GFRAL: variants seen among roughly 807,000 people sequenced by gnomAD.
The protein encoded by GFRAL is GDNF family receptor alpha-like.
GFRAL carries 36 observed loss-of-function variants against 45.4 expected under a neutral mutation model. That is an observed-to-expected ratio of 0.79 (90% CI 0.61 to 1.05). GFRAL has a LOEUF of 1.05. Ranked by LOEUF, GFRAL falls within the 50% of genes least tolerant of loss-of-function variation. GFRAL has a pLI of 0.00. For missense variants in GFRAL, 507 were observed against 467.5 expected (o/e 1.08, Z -0.78); for synonymous variants, 166 against 154.1 (o/e 1.08, Z -0.57).
chr6:55,383,594 G>T (rs1444631964), intron 6 of GFRAL, among the ~76,000 whole-genome samples: 1 of 151,902 alleles, frequency 6.6e-6, no homozygotes, highest in Admixed American at 6.6e-5. Context: ...TCTGTAGTAG[G>T]CTATACCACC....
intron 6 of GFRAL, among the ~76,000 whole-genome samples, chr6:55,369,379 G>C (rs536663184): frequency 6.6e-6 from 1 of 152,310 alleles, no homozygotes; most frequent in African/African-American, 2.4e-5. Context: ...TACCTCGGAT[G>C]GAAATGCAGA....
intron 5 of GFRAL, among the ~76,000 whole-genome samples, chr6:55,358,493 C>G (rs1768226410): frequency 6.6e-6 from 1 of 151,918 alleles, no homozygotes; most frequent in African/African-American, 2.4e-5. Flanking sequence ...AAGTCAAATA[C>G]CTTACTTGAA....
chr6:55,376,239 G>A (rs1242739428), intron 6 of GFRAL, among the ~76,000 whole-genome samples: 4 of 151,886 alleles, frequency 2.6e-5, no homozygotes. Context: ...GATTTTTTTT[G>A]TGCTGCTGGA....
intron 6 of GFRAL, among the ~76,000 whole-genome samples, chr6:55,371,507 G>C (rs1379904529): frequency 6.6e-6 from 1 of 152,024 alleles, no homozygotes. Context: ...GTGATAGTGA[G>C]CACCCTTGCC....
rs555015614 is a variant in GFRAL, at chr6:55,341,382, C to T, written c.316+7438C>T. On this transcript the variant is annotated intron_variant, in intron 3 of 8. Transcript: ENST00000340465. ...CTGTTCAGCAATATTTGCTGTTCTG[C>T]AACCTCTGCTTCTGACACCCAGTCA... Among the ~76,000 whole-genome samples the T allele has an allele frequency of 2.2e-3, 335 of 152,302 alleles. 1 individual carries two copies. The highest frequency in any genetic ancestry group is 7.4e-3 in the African/African-American group (307 of 41,566).
At chr6:55,397,060 A>G (rs1346659844) in intron 6 of GFRAL, among the ~76,000 whole-genome samples, 1 of 151,890 alleles carries the variant, frequency 6.6e-6, no homozygotes, top group East Asian at 1.9e-4. Flanking sequence ...TAAACTTTTT[A>G]GAGATGGGGT....
At chr6:55,370,979 G>T (rs1768443103) in intron 6 of GFRAL, among the ~76,000 whole-genome samples, 1 of 152,156 alleles carries the variant, frequency 6.6e-6, no homozygotes, top group South Asian at 2.1e-4. Flanking sequence ...ATCCTCTGAT[G>T]CTGGGCCCTG....
At chr6:55,367,560 G>T (rs1221562379) in intron 6 of GFRAL, among the ~76,000 whole-genome samples, 1 of 151,082 alleles carries the variant, frequency 6.6e-6, no homozygotes, top group Non-Finnish European at 1.5e-5. Flanking sequence ...ATTTTGGCAT[G>T]ATTTTGCAGC....
chr6:55,380,211 T>C (rs1477679880), intron 6 of GFRAL, among the ~76,000 whole-genome samples: 3 of 151,964 alleles, frequency 2.0e-5, no homozygotes, highest in Non-Finnish European at 4.4e-5. Flanking sequence ...CTGTTTTCCA[T>C]AATGGCTGCC....
At chr6:55,376,629 C>A (rs1186263069) in intron 6 of GFRAL, among the ~76,000 whole-genome samples, 1 of 151,710 alleles carries the variant, frequency 6.6e-6, no homozygotes, top group African/African-American at 2.4e-5. Context: ...AGTTTATGTG[C>A]ATAGAGGTGT....
At chr6:55,382,540 T>A (rs1027554561) in intron 6 of GFRAL, among the ~76,000 whole-genome samples, 1 of 151,882 alleles carries the variant, frequency 6.6e-6, no homozygotes, top group Middle Eastern at 3.2e-3. Flanking sequence ...CTTTCAAATT[T>A]AAAATATAAA....
intron 6 of GFRAL, among the ~76,000 whole-genome samples, chr6:55,395,781 G>GAAAA: frequency 2.9e-5 from 4 of 137,432 alleles, no homozygotes; most frequent in Admixed American, 2.9e-4. Context: ...AAGGATTTTG[G>GAAAA]AAAAAAAAAA....
intron 4 of GFRAL, 39 bp from the exon 5 acceptor site, chr6:55,351,214 G>A (rs1375380091): frequency 8.5e-6 from 12 of 1,405,258 alleles, no homozygotes; most frequent in Non-Finnish European, 1.2e-5. Context: ...ACAGCTTTGT[G>A]TTTACTTTTC....
chr6:55,336,583 G>A (rs1206894160), intron 3 of GFRAL, among the ~76,000 whole-genome samples: 1 of 152,070 alleles, frequency 6.6e-6, no homozygotes, highest in Non-Finnish European at 1.5e-5. Context: ...TTTCTATATG[G>A]ACTTTATAGC....
chr6:55,341,458 G>A (rs1369109296), intron 3 of GFRAL, among the ~76,000 whole-genome samples: 1 of 152,190 alleles, frequency 6.6e-6, no homozygotes, highest in Non-Finnish European at 1.5e-5. Context: ...CTGCAGCTGA[G>A]GGTCCTGACT....
At chr6:55,387,798 G>T (rs145282189) in intron 6 of GFRAL, among the ~76,000 whole-genome samples, 1 of 152,186 alleles carries the variant, frequency 6.6e-6, no homozygotes, top group East Asian at 1.9e-4. Context: ...TATCTCTCAG[G>T]CTAAAAGTTG....
intron 6 of GFRAL, among the ~76,000 whole-genome samples, chr6:55,390,922 A>G (rs1965362): frequency 0.094 from 14,186 of 150,160 alleles, 903 homozygotes; most frequent in African/African-American, 0.18. Context: ...ACACACACAC[A>G]CACACACACA....
intron 3 of GFRAL, among the ~76,000 whole-genome samples, chr6:55,348,788 G>C (rs1418784690): frequency 6.6e-6 from 1 of 152,012 alleles, no homozygotes; most frequent in Non-Finnish European, 1.5e-5. Flanking sequence ...ATGAATGTAG[G>C]GGTAATGAGA....
At chr6:55,363,148 T>G (rs1279746758) in intron 6 of GFRAL, among the ~76,000 whole-genome samples, 2 of 151,924 alleles carry the variant, frequency 1.3e-5, no homozygotes, top group African/African-American at 4.8e-5. Flanking sequence ...AAAAAGCATG[T>G]GATACATGCT....
Sources: gnomAD v4.1 joint callset for allele counts (sites outside exome capture counted in the v4.1 genomes callset) on GRCh38, gnomAD v4.1.1 for gene constraint, MANE v1.5 for transcripts, NCBI Gene and HGNC (gene_info 2026-07-23, HGNC 2026-07-21) for gene names.